SORCS2: variants seen among roughly 807,000 people sequenced by gnomAD.
SORCS2 encodes the protein sortilin related VPS10 domain containing receptor 2.
Under a neutral mutation model 141.6 loss-of-function variants are expected in SORCS2, and 100 were observed. The observed-to-expected ratio is 0.71, with a 90% CI of 0.60 to 0.83. SORCS2 has a LOEUF of 0.83. Among genes scored for constraint, SORCS2 ranks in the 40% least tolerant of loss-of-function variants. SORCS2 has a pLI of 0.00. For missense variants in SORCS2, 1,646 were observed against 1,560.2 expected (o/e 1.05, Z -0.93); for synonymous variants, 789 against 676.9 (o/e 1.17, Z -2.57).
intron 3 of SORCS2, among the ~76,000 whole-genome samples, chr4:7,541,488 G>C (rs567068677): frequency 9.8e-5 from 15 of 152,330 alleles, no homozygotes; most frequent in African/African-American, 3.6e-4. Context: ...CAGAGGAGGG[G>C]TATCCCTAGC....
intron 2 of SORCS2, among the ~76,000 whole-genome samples, chr4:7,453,182 G>C: frequency 7.0e-6 from 1 of 142,276 alleles, no homozygotes; most frequent in East Asian, 2.2e-4. Context: ...CAGGCTCTGT[G>C]TTGGGGTCAG....
At chr4:7,300,150 T>TG (rs902545478) in intron 1 of SORCS2, among the ~76,000 whole-genome samples, 2 of 152,144 alleles carry the variant, frequency 1.3e-5, no homozygotes, top group Non-Finnish European at 2.9e-5. Context: ...AAGTGGGAGA[T>TG]GCAGGAGCCG....
At position 7,426,135 on chromosome 4, in the gene SORCS2, C is replaced by T. The variant is rs565272253; in HGVS notation, c.548+29780C>T. Among the ~76,000 whole-genome samples, 168 of 152,334 alleles carry T rather than the reference C, an allele frequency of 1.1e-3. 1 individual carries two copies. Among genetic ancestry groups the T allele is most frequent in the African/African-American group, 3.7e-3 (154 of 41,576 alleles). On this transcript the variant is annotated intron_variant, in intron 2 of 26. Transcript: ENST00000507866. ...CCCGAAACAGATGCACTCACAAGGC[C>T]GCCCTGTGGCTGTAGACCCAGAGGA...
At chr4:7,291,941 A>T (rs904751166) in intron 1 of SORCS2, among the ~76,000 whole-genome samples, 10 of 152,204 alleles carry the variant, frequency 6.6e-5, no homozygotes, top group African/African-American at 2.4e-4. Context: ...ATGCGGCCAC[A>T]CAGGTCTCAC....
rs560043112 is a variant in SORCS2, at chr4:7,211,743, G to A, written c.480+18617G>A. 2.0e-5 allele frequency among the ~76,000 whole-genome samples: 3 copies of A among 152,222 alleles called. No homozygotes were observed. In the East Asian group the frequency reaches 5.8e-4, roughly 29 times the overall value. On this transcript the variant is annotated intron_variant, in intron 1 of 26. Coordinates refer to ENST00000507866, the MANE Select transcript of SORCS2 (RefSeq NM_020777.3). ...GGACATACAGACCATTAGGGAAGAT[G>A]CAGGTGTGACAAGGTGGGGGCCCCT...
chr4:7,382,750 G>C (rs937110524), intron 1 of SORCS2, among the ~76,000 whole-genome samples: 6 of 151,918 alleles, frequency 3.9e-5, no homozygotes, highest in Non-Finnish European at 8.8e-5. Flanking sequence ...GGTCTGGGGG[G>C]CAGGGCTGGG....
intron 1 of SORCS2, among the ~76,000 whole-genome samples, chr4:7,229,427 A>G (rs1711658232): frequency 6.6e-6 from 1 of 152,188 alleles, no homozygotes; most frequent in Non-Finnish European, 1.5e-5. Context: ...CCTTGCTCCA[A>G]GGGCTCTAGA....
chr4:7,433,717 T>A (rs1727059882), intron 2 of SORCS2: 1 of 1,612,986 alleles, frequency 6.2e-7, no homozygotes, highest in Non-Finnish European at 8.5e-7. Flanking sequence ...GTTCTCCGCG[T>A]CCCACTCTGG....
intron 1 of SORCS2, among the ~76,000 whole-genome samples, chr4:7,304,139 A>G: frequency 6.6e-6 from 1 of 152,232 alleles, no homozygotes; most frequent in Non-Finnish European, 1.5e-5. Flanking sequence ...CACGCTGGAG[A>G]TAACAGCAAA....
intron 2 of SORCS2, among the ~76,000 whole-genome samples, chr4:7,463,754 C>T (rs28671671): frequency 0.048 from 7,290 of 152,268 alleles, 605 homozygotes; most frequent in African/African-American, 0.16. Flanking sequence ...TGGAGCACCG[C>T]GCCGTGCATA....
At chr4:7,557,938 G>T (rs1714256770) in intron 3 of SORCS2, among the ~76,000 whole-genome samples, 1 of 152,238 alleles carries the variant, frequency 6.6e-6, no homozygotes, top group Non-Finnish European at 1.5e-5. Flanking sequence ...ATGAGGCTCA[G>T]AGAGGCAGAG....
rs780762158 is a variant in SORCS2 at position 7,635,506 on chromosome 4, T to C, written c.649-2822T>C. On this transcript the variant is annotated intron_variant, in intron 3 of 26. Transcript: ENST00000507866. The stretch of plus-strand genomic sequence containing the variant: ...TGGCCACTTCCCATTGATAAAATTA[T>C]ACCTATTTGTCCACTCATTTGTCAT... Among the ~76,000 whole-genome samples the C allele has an allele frequency of 3.9e-5, 6 of 152,246 alleles. No homozygotes were observed. In the East Asian group the frequency reaches 5.8e-4, roughly 15 times the overall value.
chr4:7,372,742 G>A (rs907420349), intron 1 of SORCS2, among the ~76,000 whole-genome samples: 4 of 151,614 alleles, frequency 2.6e-5, no homozygotes, highest in Non-Finnish European at 4.4e-5. Context: ...TGTGGTCAAC[G>A]CCCCCACCCC....
At chr4:7,517,019 C>T (rs532337320) in intron 2 of SORCS2, among the ~76,000 whole-genome samples, 28 of 152,304 alleles carry the variant, frequency 1.8e-4, no homozygotes, top group African/African-American at 6.5e-4. Context: ...AGGGACTCAA[C>T]GAGCTAACGC....
chr4:7,469,776 C>A (rs1729857597), intron 2 of SORCS2, among the ~76,000 whole-genome samples: 1 of 152,216 alleles, frequency 6.6e-6, no homozygotes, highest in Non-Finnish European at 1.5e-5. Flanking sequence ...GGCTGAGAAC[C>A]CCTGCAAAGA....
chr4:7,273,025 G>A (rs1400204811), intron 1 of SORCS2, among the ~76,000 whole-genome samples: 1 of 152,260 alleles, frequency 6.6e-6, no homozygotes, highest in African/African-American at 2.4e-5. Context: ...GAGGCTGCAG[G>A]GTTGTTTCTG....
intron 2 of SORCS2, among the ~76,000 whole-genome samples, chr4:7,473,858 G>C (rs953494324): frequency 2.6e-5 from 4 of 152,198 alleles, no homozygotes; most frequent in Non-Finnish European, 4.4e-5. Context: ...GGTCTGGGGG[G>C]AGAGGGGTTC....
chr4:7,741,592 A>C lies in SORCS2; in HGVS notation c.*1328A>C. 1 of 217,816 alleles carries C rather than the reference A, an allele frequency of 4.6e-6. No homozygotes were observed. 13.5% of individuals were successfully genotyped at this position (217,816 alleles called of 1,614,324 possible). ...GAGAACGCCAGAGCCCTGGCTGGTGATGTGCTGGCTGGGGGTGAATCCCAA... is the reference window on the plus strand; with the variant it reads ...GAGAACGCCAGAGCCCTGGCTGGTGCTGTGCTGGCTGGGGGTGAATCCCAA... On this transcript the variant is annotated 3_prime_UTR_variant, in exon 27 of 27. Transcript: ENST00000507866.
At position 7,584,410 on chromosome 4, in the gene SORCS2, A is replaced by T. The variant is rs74903977; in HGVS notation, c.648+52781A>T. ...CATTTAAGAAAAAGTTGCTTCCATGATGGGCTGAAGGCACAGATACTCAGT... is the reference window on the plus strand; with the variant it reads ...CATTTAAGAAAAAGTTGCTTCCATGTTGGGCTGAAGGCACAGATACTCAGT... On this transcript the variant is annotated intron_variant, in intron 3 of 26. Transcript: ENST00000507866. Among the ~76,000 whole-genome samples, 5 of 152,280 alleles carry T rather than the reference A, an allele frequency of 3.3e-5. No homozygotes were observed. The East Asian group carries it at 9.6e-4, about 29-fold the overall frequency.
Sources: allele counts gnomAD v4.1 joint callset (sites outside exome capture counted in the v4.1 genomes callset), GRCh38; gene constraint gnomAD v4.1.1; transcripts MANE v1.5; gene names NCBI Gene and HGNC (gene_info 2026-07-23, HGNC 2026-07-21).